ZNF446: variants seen among roughly 807,000 people sequenced by gnomAD.
ZNF446 encodes the protein zinc finger protein with KRAB and SCAN domains 20.
Under a neutral mutation model 34.0 loss-of-function variants are expected in ZNF446, and 42 were observed. That is an observed-to-expected ratio of 1.23 (90% CI 0.96 to 1.60). The LOEUF (loss-of-function observed/expected upper bound fraction) is 1.60, where lower values mean the gene tolerates loss of function less well. ZNF446 is among the 40% of genes most tolerant of loss of function. ZNF446 has a pLI of 0.00. For missense variants in ZNF446, 650 were observed against 600.2 expected (o/e 1.08, Z -0.87); for synonymous variants, 315 against 251.0 (o/e 1.25, Z -2.41).
At chr19:58,482,193 C>T (rs1199547602), downstream of ZNF446, among the ~76,000 whole-genome samples, 1 of 152,104 alleles carries the variant, frequency 6.6e-6, no homozygotes, top group African/African-American at 2.4e-5. Context: ...CCCACGTTCC[C>T]CCTTTTTTTT....
At chr19:58,486,391 C>T in the ZNF446 span, among the ~76,000 whole-genome samples, 1 of 150,528 alleles carries the variant, frequency 6.6e-6, no homozygotes, top group African/African-American at 2.4e-5. Flanking sequence ...GGCCCACACT[C>T]AGCTAACTTT....
chr19:58,489,351 G>C, the ZNF446 span, among the ~76,000 whole-genome samples: 1 of 152,058 alleles, frequency 6.6e-6, no homozygotes, highest in Non-Finnish European at 1.5e-5. Context: ...ATCTGATCTT[G>C]TGGCCCCCAG....
chr19:58,478,673 A>C (rs1214101131), intron 4 of ZNF446, among the ~76,000 whole-genome samples: 1 of 151,640 alleles, frequency 6.6e-6, no homozygotes, highest in Admixed American at 6.6e-5. Context: ...TCAAAAACAA[A>C]AAAAAAAAAA....
downstream of ZNF446, among the ~76,000 whole-genome samples, chr19:58,483,060 CAGA>C (rs1186433449): frequency 6.6e-6 from 1 of 152,044 alleles, no homozygotes; most frequent in Non-Finnish European, 1.5e-5. Context: ...ATGCTTACTC[CAGA>C]AGTTTACATA....
chr19:58,489,250 C>G, the ZNF446 span, among the ~76,000 whole-genome samples: 1 of 152,206 alleles, frequency 6.6e-6, no homozygotes, highest in Non-Finnish European at 1.5e-5. Context: ...CTGACCCTCC[C>G]TCAACTGCTC....
chr19:58,481,812 G>T (rs1466111974), downstream of ZNF446, among the ~76,000 whole-genome samples: 1 of 151,462 alleles, frequency 6.6e-6, no homozygotes, highest in Non-Finnish European at 1.5e-5. Flanking sequence ...TGTTTTGTCT[G>T]AGATGGAGTC....
intron 2 of ZNF446, 24 bp from the exon 3 acceptor site, chr19:58,477,613 T>A: frequency 6.2e-7 from 1 of 1,613,584 alleles, no homozygotes; most frequent in Non-Finnish European, 8.5e-7. Context: ...GCTAGAGCCA[T>A]TGTGACCTAC....
downstream of ZNF446, among the ~76,000 whole-genome samples, chr19:58,483,167 G>A (rs908660819): frequency 4.1e-5 from 6 of 146,200 alleles, no homozygotes; most frequent in Non-Finnish European, 6.0e-5. Context: ...GCAACATAGT[G>A]AGACCTTGTC....
Position 58,478,175 on chromosome 19 carries a change from G to A in ZNF446, c.621G>A (p.Arg207=), listed in dbSNP as rs2053106431. Residue 207 remains arginine, a synonymous_variant, in exon 4 of 7, where the codon AGG becomes AGA. Transcript: ENST00000594369. ...EPASTSFHPP[R]IQEEWGLLDR... ...CCTCCACATCCTTCCACCCACCCAG[G>A]ATTCAGGTGAGCAGCCCCAAGTGGG... is the stretch of plus-strand genomic sequence containing the variant. 1.2e-6 allele frequency: 2 copies of A among 1,613,828 alleles called. No individual in the cohort carries two copies. The highest frequency in any genetic ancestry group is 1.1e-5 in the South Asian group (1 of 91,058).
the ZNF446 span, among the ~76,000 whole-genome samples, chr19:58,488,886 T>C: frequency 1.4e-5 from 2 of 143,578 alleles, no homozygotes; most frequent in Non-Finnish European, 1.5e-5. Context: ...AAAGTGCCAA[T>C]AGCAGGTATT....
chr19:58,477,589 AG>A (rs748108916), intron 2 of ZNF446, 29 bp downstream of exon 2: 1 of 1,612,980 alleles, frequency 6.2e-7, no homozygotes, highest in East Asian at 2.2e-5. Flanking sequence ...AGCTTCTTGG[AG>A]GGATAGACCC....
downstream of ZNF446, among the ~76,000 whole-genome samples, chr19:58,484,303 TAAAAA>T (rs940337574): frequency 1.4e-4 from 18 of 132,928 alleles, no homozygotes; most frequent in African/African-American, 5.1e-4. Flanking sequence ...AACACACAAT[TAAAAA>T]AAATTTTTTT....
At position 58,481,048 on chromosome 19, in the gene ZNF446, C is replaced by T. The variant is rs1314607469; in HGVS notation, c.*322C>T. On this transcript the variant is annotated 3_prime_UTR_variant, in exon 7 of 7. Transcript: ENST00000594369. ...GGCCTGGGCTGACAACACTCCCTCT[C>T]CTGGGACCTCCTTGCCTCAGGTGGG... 2 of 351,200 alleles carry T rather than the reference C, an allele frequency of 5.7e-6. No individual in the cohort carries two copies. The highest frequency in any genetic ancestry group is 5.3e-6 in the Non-Finnish European group (1 of 188,314). The allele number at this position is 351,200 out of a possible 1,614,324, so 21.8% of individuals were successfully genotyped here. A position where few individuals can be genotyped will look rare whatever the true frequency, so the allele number is the denominator to read the frequency against.
the ZNF446 span, among the ~76,000 whole-genome samples, chr19:58,488,032 T>C: frequency 6.6e-6 from 1 of 151,834 alleles, no homozygotes; most frequent in Admixed American, 6.6e-5. Context: ...TTCATGGCAC[T>C]GTGAGGGCAG....
In ZNF446 at chr19:58,480,247, G is replaced by T; in HGVS notation, c.874G>T (p.Glu292Ter). Reference protein sequence around the residue: ...PPQGPGPAAWEGLSGAATPAP... With the variant: ...PPQGPGPAAW ...CCAGGGCCCAGGGCCGGCAGCCTGG[G>T]AGGGCTTGTCTGGGGCTGCCACTCC... The change falls in exon 7 of 7, where the codon GAG (glutamate) becomes TAG (stop). Residue 292 changes from glutamate (E) to a stop codon, truncating the protein, a stop_gained. Coordinates refer to ENST00000594369, the MANE Select transcript of ZNF446 (RefSeq NM_017908.4). LOFTEE classifies it low-confidence loss of function (END_TRUNC). The surrounding 1 kb of genome is among the most constrained non-coding windows in gnomAD (Gnocchi z 7.2). The T allele has an allele frequency of 6.3e-7, 1 of 1,584,584 alleles. No individual in the cohort carries two copies.
chr19:58,477,832 GT>G lies in ZNF446; in HGVS notation c.532+8del. 2 of 1,540,286 alleles carry G rather than the reference GT, an allele frequency of 1.3e-6. No individual in the cohort carries two copies. The highest frequency in any genetic ancestry group is 1.7e-6 in the Non-Finnish European group (2 of 1,146,432). On this transcript the variant is annotated splice_region_variant and intron_variant, in intron 3 of 6. Coordinates refer to ENST00000594369, the MANE Select transcript of ZNF446 (RefSeq NM_017908.4). ...TGTCGATGGACAGGAAGTGGGTGAG[GT>G]TGGGGTCCCACCAGAGATGAGGGAC... is the stretch of plus-strand genomic sequence containing the variant.
downstream of ZNF446, among the ~76,000 whole-genome samples, chr19:58,482,249 C>T (rs979725287): frequency 1.3e-5 from 2 of 151,916 alleles, no homozygotes; most frequent in African/African-American, 2.4e-5. Context: ...TGGTTGGTCA[C>T]GTCTTCCTTA....
Position 58,479,668 on chromosome 19 carries a change from C to T in ZNF446, c.653C>T (p.Ser218Leu). The change falls in exon 5 of 7, where the codon TCA becomes TTA. Residue 218 changes from serine (S) to leucine (L), a missense_variant. Ser to Leu is a moderately radical substitution (Grantham distance 145). Coordinates refer to ENST00000594369, the MANE Select transcript of ZNF446 (RefSeq NM_017908.4). The part of the protein sequence containing the change: ...IQEEWGLLDR[S>L]QKELYWDAML... ...GAGGAGTGGGGGCTGCTGGACCGGT[C>T]ACAGAAGGAACTGTACTGGGATGCG... The T allele has an allele frequency of 3.7e-6, 6 of 1,613,880 alleles. No homozygotes were observed. Among genetic ancestry groups the T allele is most frequent in the Non-Finnish European group, 4.2e-6 (5 of 1,179,970 alleles).
At chr19:58,479,060 A>T (rs926705496) in intron 4 of ZNF446, among the ~76,000 whole-genome samples, 1 of 152,120 alleles carries the variant, frequency 6.6e-6, no homozygotes, top group Non-Finnish European at 1.5e-5. Context: ...TAACAACTCC[A>T]CTGGGGAGCT....
Sources: allele counts gnomAD v4.1 joint callset (sites outside exome capture counted in the v4.1 genomes callset), GRCh38; gene constraint gnomAD v4.1.1; non-coding constraint Gnocchi (gnomAD v3.1); transcripts MANE v1.5; gene names NCBI Gene and HGNC (gene_info 2026-07-23, HGNC 2026-07-21).